The following DGAT2L6 variants were observed in gnomAD, a reference collection of about 807,000 sequenced individuals.
DGAT2L6 encodes the protein diacylglycerol O-acyltransferase 2-like protein 6.
In DGAT2L6, 22 loss-of-function variants were observed where a neutral mutation model predicts 25.5. That is an observed-to-expected ratio of 0.86 (90% confidence interval 0.62 to 1.23). The LOEUF (loss-of-function observed/expected upper bound fraction) is 1.23. Ranked by LOEUF, DGAT2L6 falls within the 50% of genes most tolerant of loss-of-function variation. The probability of loss-of-function intolerance (pLI) is 0.00; values close to 1 mark genes in which losing one functional copy is unlikely to be tolerated. For synonymous variants in DGAT2L6, 100 were observed against 94.7 expected (o/e 1.06, Z -0.32); for missense variants, 287 against 253.2 (o/e 1.13, Z -0.91).
chrX:70,177,516 C>A lies in DGAT2L6; in HGVS notation c.-67C>A. 1.0e-6 allele frequency: 1 copy of A among 995,568 alleles called. No individual in the cohort carries two copies. The highest frequency in any genetic ancestry group is 1.4e-6 in the Non-Finnish European group (1 of 708,079). 82.0% of individuals were successfully genotyped at this position (995,568 alleles called of 1,213,427 possible). A position where few individuals can be genotyped will look rare whatever the true frequency, so the allele number is the denominator to read the frequency against. ...GAGATTATAGCAAAGCATCTATAAT[C>A]AACTCAGCTTAAGAAGTTTTGACCT... On this transcript the variant is annotated 5_prime_UTR_variant, in exon 1 of 7. Coordinates refer to ENST00000333026, the MANE Select transcript of DGAT2L6 (RefSeq NM_198512.3).
chrX:70,204,531 A>G lies in DGAT2L6; in HGVS notation c.859+15A>G, dbSNP rs1209581524. ...TACCACTGTTGGTGAGCTTTCCCTT[A>G]TCTCCGGATGACCTGTTTCTTCATT... On this transcript the variant is annotated intron_variant, in intron 6 of 6. Coordinates refer to ENST00000333026, the MANE Select transcript of DGAT2L6 (RefSeq NM_198512.3). 1 of 1,204,311 alleles carries G rather than the reference A, an allele frequency of 8.3e-7. No individual in the cohort carries two copies. The highest frequency in any genetic ancestry group is 2.2e-5 in the Admixed American group (1 of 45,798).
rs1359490804 is a variant in DGAT2L6 at position 70,204,419 on chromosome X, A to G, written c.762A>G (p.Lys254=). 8.3e-7 allele frequency: 1 copy of G among 1,211,648 alleles called. No individual in the cohort carries two copies. The highest frequency in any genetic ancestry group is 1.7e-5 in the African/African-American group (1 of 57,756). ...LFQKTFQDTF[K]KILGLNFCTF... ...AAAAAACCTTCCAGGACACATTCAA[A>G]AAAATCCTGGGACTAAATTTCTGTA... Residue 254 remains lysine, a synonymous_variant, in exon 6 of 7, where the codon AAA becomes AAG. Transcript: ENST00000333026.
intron 2 of DGAT2L6, 39 bp downstream of exon 2, chrX:70,199,420 A>G: frequency 9.9e-7 from 1 of 1,011,224 alleles, no homozygotes; most frequent in South Asian, 2.1e-5. Context: ...TGTTTGGGCC[A>G]AGAATGGAAG....
At chrX:70,203,314 G>C (rs749057425) in intron 5 of DGAT2L6, among the ~76,000 whole-genome samples, 3 of 112,233 alleles carry the variant, frequency 2.7e-5, no homozygotes, top group Non-Finnish European at 5.6e-5. Context: ...GCCTAAAACA[G>C]TGCTGGCACA....
intron 1 of DGAT2L6, among the ~76,000 whole-genome samples, chrX:70,181,202 C>T (rs2085342090): frequency 8.9e-6 from 1 of 112,400 alleles, no homozygotes; most frequent in Non-Finnish European, 1.9e-5. Context: ...TCTCCACATC[C>T]TCACCTATAC....
At position 70,199,836 on chromosome X, in the gene DGAT2L6, G is replaced by C; in HGVS notation, c.221G>C (p.Arg74Pro). 1 of 1,211,241 alleles carries C rather than the reference G, an allele frequency of 8.3e-7. No homozygotes were observed. The highest frequency in any genetic ancestry group is 1.1e-6 in the Non-Finnish European group (1 of 895,325). ...SQGGRRSAWV[R>P]NWTLWKYFRN... ...GGTGGCAGGCGTTCAGCTTGGGTAC[G>C]AAACTGGACCCTATGGAAGTATTTC... The change falls in exon 3 of 7, where the codon CGA becomes CCA. Residue 74 changes from arginine (R) to proline (P), a missense_variant. By Grantham distance (103) the Arg-to-Pro change is moderately radical. Transcript: ENST00000333026.
chrX:70,198,856 C>A (rs778504677), intron 1 of DGAT2L6, among the ~76,000 whole-genome samples: 1 of 112,012 alleles, frequency 8.9e-6, no homozygotes, highest in African/African-American at 3.2e-5. Context: ...CTGTACACTG[C>A]GGGTAACCTC....
chrX:70,188,277 T>C (rs2085365437), intron 1 of DGAT2L6, among the ~76,000 whole-genome samples: 1 of 111,437 alleles, frequency 9.0e-6, no homozygotes, highest in Non-Finnish European at 1.9e-5. Context: ...ATAAATGGGC[T>C]GATTCACCAA....
chrX:70,181,412 A>G (rs746466666), intron 1 of DGAT2L6, among the ~76,000 whole-genome samples: 1 of 112,471 alleles, frequency 8.9e-6, no homozygotes, highest in Non-Finnish European at 1.9e-5. Context: ...GGTGCTATAC[A>G]TCTTGTTTCT....
intron 1 of DGAT2L6, among the ~76,000 whole-genome samples, chrX:70,199,024 G>A (rs1411221367): frequency 1.8e-5 from 2 of 111,804 alleles, no homozygotes; most frequent in Non-Finnish European, 3.8e-5. Context: ...TCAACTTCAT[G>A]GTTCTGCTCT....
intron 1 of DGAT2L6, among the ~76,000 whole-genome samples, chrX:70,198,775 T>C (rs1602693422): frequency 8.9e-6 from 1 of 111,764 alleles, no homozygotes; most frequent in African/African-American, 3.3e-5. Context: ...CCTGACCTCG[T>C]GATCTGCCTG....
Position 70,199,875 on chromosome X carries a change from C to G in DGAT2L6, c.260C>G (p.Pro87Arg). Residue 87 changes from proline to arginine, a missense_variant, in exon 3 of 7, where the codon CCA (proline) becomes CGA (arginine). By Grantham distance (103) the Pro-to-Arg change is moderately radical. Transcript: ENST00000333026. Reference protein sequence around the residue: ...TLWKYFRNYFPVKLVKTHDLS... With the variant: ...TLWKYFRNYFRVKLVKTHDLS... Reference sequence around the variant, plus strand: ...TGGAAGTATTTCCGAAATTACTTCCCAGTAAAGGTGACCACTCTTCCTCGG... The same window carrying G: ...TGGAAGTATTTCCGAAATTACTTCCGAGTAAAGGTGACCACTCTTCCTCGG... 3 of 1,210,166 alleles carry G rather than the reference C, an allele frequency of 2.5e-6. No individual in the cohort carries two copies. The highest frequency in any genetic ancestry group is 3.4e-6 in the Non-Finnish European group (3 of 894,538).
chrX:70,179,447 TGGGCAGAGATG>T (rs1401712790), intron 1 of DGAT2L6, among the ~76,000 whole-genome samples: 4 of 108,415 alleles, frequency 3.7e-5, no homozygotes, highest in African/African-American at 1.0e-4. Flanking sequence ...CCAGAAAGAG[TGGGCAGAGATG>T]GGGCAGAGAG....
intron 1 of DGAT2L6, among the ~76,000 whole-genome samples, chrX:70,195,125 A>T (rs12689556): frequency 9.0e-6 from 1 of 111,491 alleles, no homozygotes; most frequent in Non-Finnish European, 1.9e-5. Context: ...AAATAGCCAA[A>T]GGGTATATGA....
chrX:70,184,398 A>G (rs17311574), intron 1 of DGAT2L6, among the ~76,000 whole-genome samples: 18,032 of 110,376 alleles, frequency 0.16, 1,273 homozygotes, highest in South Asian at 0.32. Context: ...CACTGACTTT[A>G]TTACATCTTC....
At chrX:70,201,785 G>C (rs1356994753) in intron 4 of DGAT2L6, 105 bp from the exon 5 acceptor site, 1 of 914,123 alleles carries the variant, frequency 1.1e-6, no homozygotes, top group Non-Finnish European at 1.5e-6. Context: ...AACAGCAATA[G>C]TCAGAAAACA....
intron 1 of DGAT2L6, among the ~76,000 whole-genome samples, chrX:70,182,847 G>A (rs2085347993): frequency 8.9e-6 from 1 of 111,851 alleles, no homozygotes; most frequent in Non-Finnish European, 1.9e-5. Context: ...TAGTACAGAT[G>A]GGGTTTCACC....
At chrX:70,193,890 C>T (rs745654932) in intron 1 of DGAT2L6, among the ~76,000 whole-genome samples, 12 of 111,747 alleles carry the variant, frequency 1.1e-4, no homozygotes, top group African/African-American at 3.3e-4. Flanking sequence ...ACTGGATGTC[C>T]TACCAAGAGC....
intron 1 of DGAT2L6, among the ~76,000 whole-genome samples, chrX:70,182,098 T>C (rs922885508): frequency 9.0e-6 from 1 of 110,971 alleles, no homozygotes; most frequent in Admixed American, 9.6e-5. Context: ...GTGCTTCCCC[T>C]CCTTCCCAAA....
Sources: allele counts gnomAD v4.1 joint callset (sites outside exome capture counted in the v4.1 genomes callset), GRCh38; gene constraint gnomAD v4.1.1; transcripts MANE v1.5; gene names NCBI Gene and HGNC (gene_info 2026-07-23, HGNC 2026-07-21).